The following BMPR1B variants were observed in gnomAD, a reference collection of about 807,000 sequenced individuals.
BMPR1B encodes the protein bone morphogenetic protein receptor type-1B.
In BMPR1B, 12 loss-of-function variants were observed where a neutral mutation model predicts 59.1. That is an observed-to-expected ratio of 0.20 (90% CI 0.13 to 0.33). The LOEUF (loss-of-function observed/expected upper bound fraction) is 0.33, where lower values mean the gene tolerates loss of function less well. BMPR1B is among the 10% of genes least tolerant of loss of function. BMPR1B has a pLI of 1.00. For synonymous variants in BMPR1B, 237 were observed against 207.3 expected, an observed-to-expected ratio of 1.14 and a Z score of -1.23; for missense variants, 550 against 610.9, an observed-to-expected ratio of 0.90 and a Z score of 1.05.
rs750814789 is a variant in BMPR1B, at chr4:94,830,410, CTA to C, written c.-182-45419_-182-45418del. On this transcript the variant is annotated intron_variant, in intron 1 of 12. Transcript: ENST00000515059. ...ATAAGTGATTCATATTTTGTCAAAA[CTA>C]TTTTAAAATTTCAATATTTAAAATA... 4.6e-5 allele frequency among the ~76,000 whole-genome samples: 7 copies of C among 152,180 alleles called. No individual in the cohort carries two copies. In the East Asian group the frequency reaches 1.2e-3, roughly 25 times the overall value.
rs780223936 is a variant in BMPR1B at position 95,125,139 on chromosome 4, C to A, written c.585+18C>A. On this transcript the variant is annotated intron_variant, in intron 8 of 12. Transcript: ENST00000515059. ...CTCTGCTGGTATGAGAAGAACACAT[C>A]TTGAATTTAAAGGAAATGTTTTCTG... 8.1e-6 allele frequency: 13 copies of A among 1,613,062 alleles called. No individual in the cohort carries two copies. The highest frequency in any genetic ancestry group is 1.1e-5 in the Non-Finnish European group (13 of 1,179,468).
At chr4:95,091,707 G>A in intron 3 of BMPR1B, 1 of 941,770 alleles carries the variant, frequency 1.1e-6, no homozygotes, top group Non-Finnish European at 1.3e-6. Context: ...GATGAGTAAA[G>A]CCAATTCTGG....
chr4:94,882,741 C>T lies in BMPR1B; in HGVS notation c.-113+6841C>T, dbSNP rs1727023804. Among the ~76,000 whole-genome samples the T allele has an allele frequency of 5.3e-5, 8 of 152,130 alleles. No individual in the cohort carries two copies. The South Asian group carries it at 1.5e-3, about 28-fold the overall frequency. On this transcript the variant is annotated intron_variant, in intron 2 of 12. Coordinates refer to ENST00000515059, the MANE Select transcript of BMPR1B (RefSeq NM_001203.3). The stretch of plus-strand genomic sequence containing the variant: ...TTTCATAGGGAGGGTCTTCAGATCT[C>T]CTTCTGCACCATGGGATAGAAGTAG...
At chr4:94,815,864 A>G (rs1279700195) in intron 1 of BMPR1B, among the ~76,000 whole-genome samples, 2 of 152,164 alleles carry the variant, frequency 1.3e-5, no homozygotes, top group Non-Finnish European at 1.5e-5. Flanking sequence ...CACTTTTGGC[A>G]ATTAGTGTGA....
At chr4:95,040,114 G>A (rs1005212652) in intron 3 of BMPR1B, among the ~76,000 whole-genome samples, 3 of 151,976 alleles carry the variant, frequency 2.0e-5, no homozygotes, top group African/African-American at 4.8e-5. Flanking sequence ...GGAAAAACTG[G>A]TATGTGGTAT....
In BMPR1B at chr4:95,050,473, CAAAA is replaced by C. The variant is rs373418601; in HGVS notation, c.-17-53930_-17-53927del. 2.8e-4 allele frequency among the ~76,000 whole-genome samples: 43 copies of C among 151,530 alleles called. No individual in the cohort carries two copies. In the East Asian group the frequency reaches 8.4e-3, roughly 29 times the overall value. ...TGTAGTATGTGTAAAATTATCAAAACAAAAAAAACATTGTTGGGTTTCCTAAGCT... is the reference window on the plus strand; with the variant it reads ...TGTAGTATGTGTAAAATTATCAAAACAAAACATTGTTGGGTTTCCTAAGCT... On this transcript the variant is annotated intron_variant, in intron 3 of 12. Coordinates refer to ENST00000515059, the MANE Select transcript of BMPR1B (RefSeq NM_001203.3).
intron 11 of BMPR1B, among the ~76,000 whole-genome samples, chr4:95,149,154 C>CT (rs1013808256): frequency 6.6e-6 from 1 of 152,172 alleles, no homozygotes; most frequent in Non-Finnish European, 1.5e-5. Context: ...GCCTACCCTG[C>CT]TTTTTCAAGC....
chr4:94,999,572 A>T (rs1398571741), intron 3 of BMPR1B, among the ~76,000 whole-genome samples: 3 of 152,166 alleles, frequency 2.0e-5, no homozygotes, highest in African/African-American at 7.2e-5. Context: ...TTATGTAATT[A>T]ATTTGGTGAA....
At chr4:95,104,713 G>A in intron 4 of BMPR1B, 146 bp downstream of exon 4, 2 of 1,081,126 alleles carry the variant, frequency 1.8e-6, no homozygotes, top group African/African-American at 1.6e-5. Flanking sequence ...GCTTGTATTA[G>A]AGAAATATTG....
intron 3 of BMPR1B, among the ~76,000 whole-genome samples, chr4:95,096,114 T>C (rs558738656): frequency 9.9e-5 from 15 of 150,812 alleles, no homozygotes; most frequent in African/African-American, 3.6e-4. Flanking sequence ...GAAATATTTT[T>C]AAAATAAGGA....
chr4:95,052,876 A>G (rs1448756396), intron 3 of BMPR1B, among the ~76,000 whole-genome samples: 1 of 152,166 alleles, frequency 6.6e-6, no homozygotes, highest in African/African-American at 2.4e-5. Context: ...TTGTAGGGAG[A>G]ATAGAAAAAC....
intron 4 of BMPR1B, 148 bp from the exon 5 acceptor site, chr4:95,114,572 C>G (rs1731869592): frequency 1.3e-6 from 1 of 777,072 alleles, no homozygotes; most frequent in Non-Finnish European, 2.3e-6. Flanking sequence ...TTTGGATTCT[C>G]TTAACAGATC....
chr4:94,962,679 A>G (rs1358412634), intron 2 of BMPR1B, among the ~76,000 whole-genome samples: 1 of 152,196 alleles, frequency 6.6e-6, no homozygotes, highest in Admixed American at 6.5e-5. Flanking sequence ...GTATGGCTGA[A>G]TAATATTCCA....
At position 94,890,711 on chromosome 4, in the gene BMPR1B, A is replaced by G. The variant is rs562420469; in HGVS notation, c.-113+14811A>G. On this transcript the variant is annotated intron_variant, in intron 2 of 12. Transcript: ENST00000515059. ...CTCTCTTTCTAGCTTACAGACTGCC[A>G]CCCTCTTACAGCGTCCTTACGTGGT... 8.6e-5 allele frequency among the ~76,000 whole-genome samples: 13 copies of G among 151,972 alleles called. No homozygotes were observed. The South Asian group carries it at 2.5e-3, about 29-fold the overall frequency.
intron 6 of BMPR1B, among the ~76,000 whole-genome samples, chr4:95,120,008 T>A (rs1375360188): frequency 1.3e-5 from 2 of 152,166 alleles, no homozygotes; most frequent in Admixed American, 6.6e-5. Flanking sequence ...AATAGGCAGT[T>A]TCTCAACCCA....
At position 95,139,742 on chromosome 4, in the gene BMPR1B, G is replaced by A. The variant is rs147705647; in HGVS notation, c.1076+8230G>A. Among the ~76,000 whole-genome samples the A allele has an allele frequency of 3.7e-3, 567 of 152,318 alleles. 3 individuals carry two copies. The highest frequency in any genetic ancestry group is 0.012 in the African/African-American group (518 of 41,572). On this transcript the variant is annotated intron_variant, in intron 10 of 12. Coordinates refer to ENST00000515059, the MANE Select transcript of BMPR1B (RefSeq NM_001203.3). ...CGTGGGACCCTCGGAGCCATGCGCG[G>A]GATATAATCTCCTGGTGTGCCGTTT...
chr4:95,064,957 A>T (rs1056553979), intron 3 of BMPR1B, among the ~76,000 whole-genome samples: 2 of 152,202 alleles, frequency 1.3e-5, no homozygotes, highest in African/African-American at 4.8e-5. Flanking sequence ...TTTGGTAAAC[A>T]GTCTGGCAGT....
chr4:94,818,012 G>A (rs140597183), intron 1 of BMPR1B, among the ~76,000 whole-genome samples: 1 of 152,272 alleles, frequency 6.6e-6, no homozygotes, highest in East Asian at 1.9e-4. Flanking sequence ...AACTCTGAAG[G>A]TGGGGTCAAG....
At chr4:95,051,650 G>A in intron 3 of BMPR1B, 1 of 1,519,232 alleles carries the variant, frequency 6.6e-7, no homozygotes, top group Non-Finnish European at 8.8e-7. Flanking sequence ...GGAAAGGCAA[G>A]AAACAGGAGG....
Sources: gnomAD v4.1 joint callset for allele counts (sites outside exome capture counted in the v4.1 genomes callset) on GRCh38, gnomAD v4.1.1 for gene constraint, MANE v1.5 for transcripts, NCBI Gene and HGNC (gene_info 2026-07-23, HGNC 2026-07-21) for gene names.